Variants in RIMS1 observed in about 807,000 individuals in gnomAD.
RIMS1 encodes regulating synaptic membrane exocytosis protein 1.
A neutral mutation model predicts 214.1 loss-of-function variants in RIMS1; 83 were observed. The observed-to-expected ratio is 0.39, with a 90% CI of 0.32 to 0.47. The LOEUF (loss-of-function observed/expected upper bound fraction) is 0.47, where lower values mean the gene tolerates loss of function less well. RIMS1 is among the 20% of genes least tolerant of loss of function. The pLI, the probability that RIMS1 is intolerant of heterozygous loss-of-function variation, is 0.99. For synonymous variants in RIMS1, 793 were observed against 786.8 expected (o/e 1.01, Z -0.13); for missense variants, 2,050 against 2,161.8 (o/e 0.95, Z 1.03).
At chr6:72,047,110 AATAG>A (rs1344765325) in intron 2 of RIMS1, among the ~76,000 whole-genome samples, 2 of 152,204 alleles carry the variant, frequency 1.3e-5, no homozygotes, top group Non-Finnish European at 2.9e-5. Flanking sequence ...GTAAAGAAAC[AATAG>A]ATATTTTTTA....
intron 28 of RIMS1, among the ~76,000 whole-genome samples, chr6:72,329,244 A>G (rs1456278917): frequency 1.3e-5 from 2 of 151,766 alleles, no homozygotes; most frequent in African/African-American, 4.8e-5. Flanking sequence ...GACTTCCAGT[A>G]CTATCAGAAC....
At chr6:72,376,300 T>C (rs1415933030) in intron 29 of RIMS1, among the ~76,000 whole-genome samples, 1 of 152,174 alleles carries the variant, frequency 6.6e-6, no homozygotes, top group Non-Finnish European at 1.5e-5. Flanking sequence ...CCTGCCTCAC[T>C]TCCATGAGGA....
intron 29 of RIMS1, among the ~76,000 whole-genome samples, chr6:72,374,071 C>T (rs1458355209): frequency 1.3e-5 from 2 of 152,084 alleles, no homozygotes; most frequent in Non-Finnish European, 2.9e-5. Flanking sequence ...CGCACCACCA[C>T]ACCCAGCTAA....
In RIMS1 at chr6:72,043,752, A is replaced by G. The variant is rs137977530; in HGVS notation, c.246-53197A>G. Among the ~76,000 whole-genome samples, 662 of 151,686 alleles carry G rather than the reference A, an allele frequency of 4.4e-3. 4 individuals carry two copies. The highest frequency in any genetic ancestry group is 0.014 in the African/African-American group (565 of 41,432). On this transcript the variant is annotated intron_variant, in intron 2 of 33. Coordinates refer to ENST00000521978, the MANE Select transcript of RIMS1 (RefSeq NM_014989.7). Reference sequence around the variant, plus strand: ...ATTTACTGATGTAATTATTAATTCTACTCATAGCTTAAATAAAAAGGTAAC... The same window carrying G: ...ATTTACTGATGTAATTATTAATTCTGCTCATAGCTTAAATAAAAAGGTAAC...
chr6:72,067,984 G>C (rs764652863), intron 2 of RIMS1, among the ~76,000 whole-genome samples: 11 of 152,276 alleles, frequency 7.2e-5, no homozygotes, highest in Non-Finnish European at 1.5e-4. Context: ...ATTATCATTA[G>C]AAGTTCATGC....
At chr6:72,088,330 C>T (rs1204744466) in intron 2 of RIMS1, among the ~76,000 whole-genome samples, 1 of 151,798 alleles carries the variant, frequency 6.6e-6, no homozygotes, top group South Asian at 2.1e-4. Flanking sequence ...CTCACTGCAA[C>T]CTTTGCCTCC....
intron 17 of RIMS1, 84 bp downstream of exon 17, chr6:72,258,365 G>T: frequency 1.5e-6 from 2 of 1,299,516 alleles, no homozygotes; most frequent in Admixed American, 2.6e-5. Flanking sequence ...TAACTGAAAT[G>T]AAAAAATAGT....
At chr6:72,201,608 C>T (rs944139554) in intron 6 of RIMS1, among the ~76,000 whole-genome samples, 2 of 152,194 alleles carry the variant, frequency 1.3e-5, no homozygotes, top group African/African-American at 4.8e-5. Flanking sequence ...GTATTGAGAT[C>T]TGCCGAATTT....
At chr6:72,004,935 A>T (rs1179428789) in intron 2 of RIMS1, among the ~76,000 whole-genome samples, 15 of 151,964 alleles carry the variant, frequency 9.9e-5, no homozygotes, top group Non-Finnish European at 1.9e-4. Flanking sequence ...TTAGACATGA[A>T]GTCCTTGCCC....
intron 2 of RIMS1, among the ~76,000 whole-genome samples, chr6:71,976,684 A>G (rs1212431253): frequency 1.3e-5 from 2 of 152,014 alleles, no homozygotes; most frequent in Non-Finnish European, 2.9e-5. Context: ...TGCCATTAAG[A>G]TTTCCCCCTG....
At chr6:72,003,430 C>A (rs749283399) in intron 2 of RIMS1, among the ~76,000 whole-genome samples, 5 of 151,876 alleles carry the variant, frequency 3.3e-5, no homozygotes, top group African/African-American at 4.8e-5. Context: ...TGGATGAATA[C>A]ATGAATGAAT....
At chr6:71,932,246 C>T (rs113524469) in intron 1 of RIMS1, among the ~76,000 whole-genome samples, 2,925 of 152,180 alleles carry the variant, frequency 0.019, 97 homozygotes, top group African/African-American at 0.067. Flanking sequence ...CAGTGATAGA[C>T]TGGCTAAAGA....
At chr6:72,140,570 A>T (rs1272248336) in intron 4 of RIMS1, among the ~76,000 whole-genome samples, 1 of 151,924 alleles carries the variant, frequency 6.6e-6, no homozygotes, top group Non-Finnish European at 1.5e-5. Context: ...AACACCTTCC[A>T]CCCTTTATGA....
intron 31 of RIMS1, among the ~76,000 whole-genome samples, chr6:72,394,267 C>G (rs1564851890): frequency 6.6e-6 from 1 of 151,950 alleles, no homozygotes; most frequent in African/African-American, 2.4e-5. Context: ...CTAGTGAGGT[C>G]TTCATAAAAA....
intron 28 of RIMS1, among the ~76,000 whole-genome samples, chr6:72,317,610 T>C (rs1030443815): frequency 2.0e-5 from 3 of 152,230 alleles, no homozygotes; most frequent in Admixed American, 6.5e-5. Context: ...AAAAGTGTTA[T>C]AGAAAATAAT....
Position 72,387,124 on chromosome 6 carries a change from C to T in RIMS1, c.4367-3474C>T, listed in dbSNP as rs1381294888. ...CTCATCCATCCATATATCTCCAGCA[C>T]CTCGAGCAGTGTATGACACATAATA... On this transcript the variant is annotated intron_variant, in intron 29 of 33. Coordinates refer to ENST00000521978, the MANE Select transcript of RIMS1 (RefSeq NM_014989.7). 2.0e-5 allele frequency among the ~76,000 whole-genome samples: 3 copies of T among 152,066 alleles called. No homozygotes were observed. In the South Asian group the frequency reaches 6.2e-4, roughly 31 times the overall value.
At chr6:72,340,875 G>A (rs1036718785) in intron 29 of RIMS1, among the ~76,000 whole-genome samples, 1 of 152,082 alleles carries the variant, frequency 6.6e-6, no homozygotes, top group Non-Finnish European at 1.5e-5. Flanking sequence ...ACCTTGGGCA[G>A]TATGGCCATT....
At chr6:72,014,225 A>T (rs923347258) in intron 2 of RIMS1, among the ~76,000 whole-genome samples, 1 of 152,244 alleles carries the variant, frequency 6.6e-6, no homozygotes, top group African/African-American at 2.4e-5. Flanking sequence ...TTATAAAACC[A>T]TTAGATCTTG....
At chr6:72,265,532 G>A (rs78100490) in intron 21 of RIMS1, 29 bp downstream of exon 21, 18,806 of 1,280,770 alleles carry the variant, frequency 0.015, 168 homozygotes, top group Non-Finnish European at 0.017. Context: ...GATATCTTCC[G>A]TTTCCCTTGT....
Sources: gnomAD v4.1 joint callset for allele counts (sites outside exome capture counted in the v4.1 genomes callset) on GRCh38, gnomAD v4.1.1 for gene constraint, MANE v1.5 for transcripts, NCBI Gene and HGNC (gene_info 2026-07-23, HGNC 2026-07-21) for gene names.